Variants in C16orf89 observed in about 807,000 individuals in gnomAD.
The protein encoded by C16orf89 is chromosome 16 open reading frame 89, also known as UPF0764 protein C16orf89.
In C16orf89, 57 loss-of-function variants were observed where a neutral mutation model predicts 41.5. The observed-to-expected ratio is 1.38, with a 90% CI of 1.11 to 1.71. The LOEUF is 1.71. C16orf89 is among the 40% of genes most tolerant of loss of function. The pLI, the probability that C16orf89 is intolerant of heterozygous loss-of-function variation, is 0.00. For missense variants in C16orf89, 575 were observed against 445.9 expected (o/e 1.29, Z -2.61); for synonymous variants, 223 against 190.6 (o/e 1.17, Z -1.40).
rs59903296 is a variant in C16orf89 at position 5,061,432 on chromosome 16, CAAAAAAAAAAA to C, written c.358+982_358+992del. Among the ~76,000 whole-genome samples, 6 of 25,254 alleles carry C rather than the reference CAAAAAAAAAAA, an allele frequency of 2.4e-4. No individual in the cohort carries two copies. In the East Asian group the frequency reaches 3.0e-3, roughly 13 times the overall value. 16.6% of individuals were successfully genotyped at this position (25,254 alleles called of 152,430 possible). A position where few individuals can be genotyped will look rare whatever the true frequency, so the allele number is the denominator to read the frequency against. On this transcript the variant is annotated intron_variant, in intron 2 of 7. Transcript: ENST00000472572. ...TGGGCGACAGGGTGAGACTCTGTCT[CAAAAAAAAAAA>C]AAAAAAAAAAAAAAAAGAGAGACAG...
chr16:5,062,606 A>C (rs571547429), intron 1 of C16orf89, 32 bp from the exon 2 acceptor site: 26 of 1,540,292 alleles, frequency 1.7e-5, no homozygotes, highest in Admixed American at 1.3e-4. Context: ...TCATTCAACT[A>C]TTTGGAATCG....
chr16:5,065,685 A>G lies in C16orf89; in HGVS notation c.208+16T>C. The G allele has an allele frequency of 6.2e-7, 1 of 1,603,118 alleles. No individual in the cohort carries two copies. Among genetic ancestry groups the G allele is most frequent in the Non-Finnish European group, 8.5e-7 (1 of 1,170,368 alleles). On this transcript the variant is annotated intron_variant, in intron 1 of 7. Coordinates refer to ENST00000472572, the MANE Select transcript of C16orf89 (RefSeq NM_001098514.3). Reference sequence around the variant, plus strand: ...AGCTTCCCAGTGTCCAGCCAGAGGAATTGGGGCTCACTCACCTTCCAGCAC... The same window carrying G: ...AGCTTCCCAGTGTCCAGCCAGAGGAGTTGGGGCTCACTCACCTTCCAGCAC...
intron 7 of C16orf89, 141 bp downstream of exon 7, chr16:5,047,737 C>T (rs938334888): frequency 4.5e-6 from 3 of 659,590 alleles, no homozygotes; most frequent in Non-Finnish European, 8.2e-6. Context: ...CCTTCCACCT[C>T]TCAACATGAA....
At chr16:5,063,774 T>C (rs1365317318) in intron 1 of C16orf89, among the ~76,000 whole-genome samples, 1 of 152,200 alleles carries the variant, frequency 6.6e-6, no homozygotes, top group African/African-American at 2.4e-5. Flanking sequence ...GTCTCAGGGC[T>C]TCAACTGATT....
intron 2 of C16orf89, among the ~76,000 whole-genome samples, chr16:5,061,627 TA>T (rs760408354): frequency 1.1e-3 from 161 of 151,882 alleles, no homozygotes; most frequent in Non-Finnish European, 1.8e-3. Flanking sequence ...TAGATATCTT[TA>T]AGATGACATA....
intron 5 of C16orf89, 27 bp from the exon 6 acceptor site, chr16:5,055,377 C>T (rs764958341): frequency 1.7e-5 from 26 of 1,551,334 alleles, no homozygotes; most frequent in Middle Eastern, 1.7e-4. Context: ...GGGCCCTCTG[C>T]AGGCCTGCCC....
At chr16:5,045,854 A>G (rs992993947) in intron 7 of C16orf89, among the ~76,000 whole-genome samples, 1 of 152,180 alleles carries the variant, frequency 6.6e-6, no homozygotes, top group Non-Finnish European at 1.5e-5. Flanking sequence ...AAGTGCAAGA[A>G]TCAGCACACC....
chr16:5,051,286 C>G (rs549107950), intron 6 of C16orf89, among the ~76,000 whole-genome samples: 5 of 152,274 alleles, frequency 3.3e-5, no homozygotes, highest in South Asian at 2.1e-4. Context: ...ATGACATGAT[C>G]TGATAGACAG....
At chr16:5,058,298 T>A (rs113715768) in intron 4 of C16orf89, among the ~76,000 whole-genome samples, 195 bp downstream of exon 4, 16,216 of 151,930 alleles carry the variant, frequency 0.11, 1,033 homozygotes, top group Non-Finnish European at 0.15. Context: ...CAGCTAATTT[T>A]TTTTTTGTAT....
intron 1 of C16orf89, 24 bp from the exon 2 acceptor site, chr16:5,062,598 A>G (rs1416982015): frequency 6.4e-7 from 1 of 1,551,830 alleles, no homozygotes; most frequent in Non-Finnish European, 8.7e-7. Context: ...GAGTTAATTC[A>G]TTCAACTATT....
chr16:5,045,420 C>A (rs566261877), intron 7 of C16orf89, among the ~76,000 whole-genome samples: 20 of 152,302 alleles, frequency 1.3e-4, no homozygotes, highest in African/African-American at 4.1e-4. Context: ...GTAGTTAGTT[C>A]TTTGAGCTCA....
Position 5,055,710 on chromosome 16 carries a change from G to A in C16orf89, c.763+343C>T, listed in dbSNP as rs142324927. 1.1e-3 allele frequency: 1,693 copies of A among 1,535,832 alleles called. 12 individuals are homozygous for A. The African/African-American group carries it at 0.021, about 19-fold the overall frequency. On this transcript the variant is annotated intron_variant, in intron 5 of 7. Coordinates refer to ENST00000472572, the MANE Select transcript of C16orf89 (RefSeq NM_001098514.3). ...ACCTGGTCCATCTGTGTAGAGCTCC[G>A]TCACTGGGGCAGCCTTTGGGGGCAG...
At chr16:5,063,288 C>T (rs559039871) in intron 1 of C16orf89, among the ~76,000 whole-genome samples, 120 of 152,248 alleles carry the variant, frequency 7.9e-4, no homozygotes, top group African/African-American at 2.4e-3. Flanking sequence ...TCCTCCAGGG[C>T]GACCGGCTCT....
intron 1 of C16orf89, 58 bp from the exon 2 acceptor site, chr16:5,062,632 T>A (rs879377184): frequency 4.2e-5 from 63 of 1,487,170 alleles, no homozygotes; most frequent in Non-Finnish European, 5.3e-5. Context: ...TTTTTTTGCC[T>A]TGGAACAAGA....
chr16:5,044,189 C>G lies in C16orf89; in HGVS notation c.*159G>C. The G allele has an allele frequency of 7.2e-7, 1 of 1,394,780 alleles. No individual in the cohort carries two copies. The highest frequency in any genetic ancestry group is 9.3e-7 in the Non-Finnish European group (1 of 1,079,296). 86.4% of individuals were successfully genotyped at this position (1,394,780 alleles called of 1,614,324 possible). On this transcript the variant is annotated 3_prime_UTR_variant, in exon 8 of 8. Coordinates refer to ENST00000472572, the MANE Select transcript of C16orf89 (RefSeq NM_001098514.3). ...CCTCCCGGCCCCCACCTACCCTGGC[C>G]TTGCCTACTCAGGGCTTCCAAGATT... is the stretch of plus-strand genomic sequence containing the variant.
At chr16:5,058,418 C>T (rs1956551753) in intron 4 of C16orf89, 75 bp downstream of exon 4, 4 of 1,328,974 alleles carry the variant, frequency 3.0e-6, no homozygotes, top group Non-Finnish European at 4.2e-6. Context: ...CAGGCATGAG[C>T]CACCACGTCC....
chr16:5,046,680 A>G (rs1956303982), intron 7 of C16orf89, among the ~76,000 whole-genome samples: 1 of 152,138 alleles, frequency 6.6e-6, no homozygotes, highest in Non-Finnish European at 1.5e-5. Context: ...AAAAATTGAA[A>G]TCAAAGTCCT....
At position 5,057,289 on chromosome 16, in the gene C16orf89, T is replaced by A. The variant is rs560402343; in HGVS notation, c.628-1101A>T. 1.3e-4 allele frequency among the ~76,000 whole-genome samples: 17 copies of A among 129,394 alleles called. No individual in the cohort carries two copies. The South Asian group carries it at 4.0e-3, about 30-fold the overall frequency. 84.9% of individuals were successfully genotyped at this position (129,394 alleles called of 152,430 possible). A position where few individuals can be genotyped will look rare whatever the true frequency, so the allele number is the denominator to read the frequency against. ...ATACATATATATATGTATATATATATGTGTATATATATATATAGTGGTATA... is the reference window on the plus strand; with the variant it reads ...ATACATATATATATGTATATATATAAGTGTATATATATATATAGTGGTATA... On this transcript the variant is annotated intron_variant, in intron 4 of 7. Transcript: ENST00000472572.
chr16:5,052,234 A>G (rs886768829), intron 6 of C16orf89, among the ~76,000 whole-genome samples: 9 of 152,224 alleles, frequency 5.9e-5, no homozygotes, highest in African/African-American at 2.2e-4. Flanking sequence ...ATCATCAGAG[A>G]AACGCAAATC....
Sources: allele counts gnomAD v4.1 joint callset (sites outside exome capture counted in the v4.1 genomes callset), GRCh38; gene constraint gnomAD v4.1.1; transcripts MANE v1.5; gene names NCBI Gene and HGNC (gene_info 2026-07-23, HGNC 2026-07-21).